The following H2AZ2 variants were observed in gnomAD, a reference collection of about 807,000 sequenced individuals.
H2AZ2 encodes the protein histone H2A.V.
H2AZ2 carries 5 observed loss-of-function variants against 15.5 expected under a neutral mutation model. The ratio of observed to expected loss-of-function variants is 0.32; its 90% CI spans 0.17 to 0.68. H2AZ2 has a LOEUF of 0.68. Among genes scored for constraint, H2AZ2 ranks in the 30% least tolerant of loss-of-function variants. H2AZ2 has a pLI of 0.72. For missense variants in H2AZ2, 42 were observed against 162.5 expected, an observed-to-expected ratio of 0.26 and a Z score of 4.03; for synonymous variants, 44 against 57.4, an observed-to-expected ratio of 0.77 and a Z score of 1.05.
rs1365819922 is a variant in H2AZ2 at position 44,833,894 on chromosome 7, G to T, written c.*607C>A. On this transcript the variant is annotated 3_prime_UTR_variant, in exon 5 of 5. Coordinates refer to ENST00000308153, the MANE Select transcript of H2AZ2 (RefSeq NM_012412.5). Reference sequence around the variant, plus strand: ...CACTCTGCAAAGGGCCTGGCACATGGTAAGTGCTTGGTGTAGAATTCAAAT... The same window carrying T: ...CACTCTGCAAAGGGCCTGGCACATGTTAAGTGCTTGGTGTAGAATTCAAAT... Among the ~76,000 whole-genome samples the T allele has an allele frequency of 9.9e-5, 15 of 152,188 alleles. No individual in the cohort carries two copies. Among genetic ancestry groups the T allele is most frequent in the Admixed American group, 9.8e-4 (15 of 15,274 alleles).
rs1206966916 is a variant in H2AZ2, at chr7:44,834,846, G to GT, written c.326-285dup. 4.5e-5 allele frequency: 11 copies of GT among 245,346 alleles called. No homozygotes were observed. In the Admixed American group the frequency reaches 5.7e-4, roughly 13 times the overall value. 15.2% of individuals were successfully genotyped at this position (245,346 alleles called of 1,614,324 possible). A position where few individuals can be genotyped will look rare whatever the true frequency, so the allele number is the denominator to read the frequency against. On this transcript the variant is annotated intron_variant, in intron 4 of 4. Coordinates refer to ENST00000308153, the MANE Select transcript of H2AZ2 (RefSeq NM_012412.5). ...GTCGCCAATGCTGGGGTGCAGTGGT[G>GT]TAATCTTGGCTCACTGCGACCTCTG...
chr7:44,828,241 T>C (rs1038937250), downstream of H2AZ2: 1 of 152,210 alleles, frequency 6.6e-6, no homozygotes, highest in African/African-American at 2.4e-5. Flanking sequence ...TTATTACTGA[T>C]TCTTAACGAC....
chr7:44,833,442 A>G lies in H2AZ2; in HGVS notation c.*1059T>C, dbSNP rs1283374291. 2.0e-5 allele frequency among the ~76,000 whole-genome samples: 3 copies of G among 152,076 alleles called. No individual in the cohort carries two copies. The highest frequency in any genetic ancestry group is 2.1e-4 in the South Asian group (1 of 4,824). ...AATAGAGACGGGGTTTCACCATGTT[A>G]GCCAGGATGGTCTCGATTTCCTGAC... On this transcript the variant is annotated 3_prime_UTR_variant, in exon 5 of 5. Coordinates refer to ENST00000308153, the MANE Select transcript of H2AZ2 (RefSeq NM_012412.5).
At chr7:44,840,348 A>C (rs1180140889) in intron 3 of H2AZ2, among the ~76,000 whole-genome samples, 2 of 152,162 alleles carry the variant, frequency 1.3e-5, no homozygotes, top group African/African-American at 4.8e-5. Context: ...CAGCCGCCCA[A>C]AGTGTTGGCA....
At chr7:44,841,227 ACT>A (rs1793268165) in intron 2 of H2AZ2, among the ~76,000 whole-genome samples, 3 of 152,234 alleles carry the variant, frequency 2.0e-5, no homozygotes, top group Admixed American at 1.3e-4. Flanking sequence ...GGGAAATATC[ACT>A]CTAAAATGAA....
intron 3 of H2AZ2, among the ~76,000 whole-genome samples, chr7:44,839,762 G>A (rs1483993255): frequency 1.3e-5 from 2 of 151,950 alleles, no homozygotes; most frequent in East Asian, 3.9e-4. Flanking sequence ...CAGCACTTTG[G>A]GAGGCTGAGG....
Position 44,833,534 on chromosome 7 carries a change from C to T in H2AZ2, c.*967G>A, listed in dbSNP as rs887829956. 1 of 250,430 alleles carries T rather than the reference C, an allele frequency of 4.0e-6. No homozygotes were observed. Among genetic ancestry groups the T allele is most frequent in the Non-Finnish European group, 6.3e-6 (1 of 158,116 alleles). The allele number at this position is 250,430 out of a possible 1,614,324, so 15.5% of individuals were successfully genotyped here. A position where few individuals can be genotyped will look rare whatever the true frequency, so the allele number is the denominator to read the frequency against. Reference sequence around the variant, plus strand: ...ACAGGCGTGAGCCACCGCGCCTGGCCGAGACGGCGTTTTACCATGTTGGCC... The same window carrying T: ...ACAGGCGTGAGCCACCGCGCCTGGCTGAGACGGCGTTTTACCATGTTGGCC... On this transcript the variant is annotated 3_prime_UTR_variant, in exon 5 of 5. Transcript: ENST00000308153.
At chr7:44,835,942 C>A (rs1439583802) in intron 3 of H2AZ2, among the ~76,000 whole-genome samples, 3 of 143,380 alleles carry the variant, frequency 2.1e-5, no homozygotes, top group Non-Finnish European at 4.5e-5. Flanking sequence ...CAGATGTGAA[C>A]ATTTAGAAAA....
chr7:44,841,032 G>A lies in H2AZ2; in HGVS notation c.82-20C>T. ...AGGAAACTAAAAGAGAGATGTCTTAGTGGGAAGCACTGCAGAGTCTTAACA... is the reference window on the plus strand; with the variant it reads ...AGGAAACTAAAAGAGAGATGTCTTAATGGGAAGCACTGCAGAGTCTTAACA... On this transcript the variant is annotated intron_variant, in intron 2 of 4. Coordinates refer to ENST00000308153, the MANE Select transcript of H2AZ2 (RefSeq NM_012412.5). 1 of 1,565,896 alleles carries A rather than the reference G, an allele frequency of 6.4e-7. No homozygotes were observed. Among genetic ancestry groups the A allele is most frequent in the Non-Finnish European group, 8.8e-7 (1 of 1,136,548 alleles).
At chr7:44,836,478 G>A (rs974284961) in intron 3 of H2AZ2, among the ~76,000 whole-genome samples, 1 of 151,972 alleles carries the variant, frequency 6.6e-6, no homozygotes, top group African/African-American at 2.4e-5. Flanking sequence ...TGGGATTACA[G>A]GTGTACTGGG....
intron 1 of H2AZ2, among the ~76,000 whole-genome samples, chr7:44,846,328 C>T (rs1439410541): frequency 6.6e-6 from 1 of 152,012 alleles, no homozygotes; most frequent in African/African-American, 2.4e-5. Flanking sequence ...ATCTGAAAAA[C>T]TAGAATTGGC....
intron 3 of H2AZ2, 90 bp from the exon 4 acceptor site, chr7:44,835,748 C>A: frequency 1.8e-6 from 2 of 1,118,910 alleles, no homozygotes; most frequent in Non-Finnish European, 2.5e-6. Flanking sequence ...AAAATGCACA[C>A]ACAATACATA....
rs890409711 is a variant in H2AZ2, at chr7:44,848,015, C to A, written c.-44G>T. 1.6e-6 allele frequency: 2 copies of A among 1,252,628 alleles called. No homozygotes were observed. Among genetic ancestry groups the A allele is most frequent in the Non-Finnish European group, 2.0e-6 (2 of 990,840 alleles). The allele number at this position is 1,252,628 out of a possible 1,614,324, so 77.6% of individuals were successfully genotyped here. A position where few individuals can be genotyped will look rare whatever the true frequency, so the allele number is the denominator to read the frequency against. On this transcript the variant is annotated 5_prime_UTR_variant, in exon 1 of 5. Coordinates refer to ENST00000308153, the MANE Select transcript of H2AZ2 (RefSeq NM_012412.5). Reference sequence around the variant, plus strand: ...GCCTCCGCTCGGCCGCGCGCCCTCCCGCTGCCGACCCGCGCCGCCGCCGCC... The same window carrying A: ...GCCTCCGCTCGGCCGCGCGCCCTCCAGCTGCCGACCCGCGCCGCCGCCGCC...
chr7:44,833,657 T>A lies in H2AZ2; in HGVS notation c.*844A>T, dbSNP rs1362899961. 2.0e-6 allele frequency: 2 copies of A among 984,624 alleles called. No individual in the cohort carries two copies. Among genetic ancestry groups the A allele is most frequent in the Admixed American group, 1.2e-4 (2 of 16,262 alleles). The allele number at this position is 984,624 out of a possible 1,614,324, so 61.0% of individuals were successfully genotyped here. On this transcript the variant is annotated 3_prime_UTR_variant, in exon 5 of 5. Coordinates refer to ENST00000308153, the MANE Select transcript of H2AZ2 (RefSeq NM_012412.5). The stretch of plus-strand genomic sequence containing the variant: ...TAAACCACAATGCCAGGCCAAAAAT[T>A]GGGATTTTAAACCAAAAGGAGAAAC...
intron 1 of H2AZ2, among the ~76,000 whole-genome samples, chr7:44,845,723 C>G (rs1196469250): frequency 2.0e-5 from 3 of 152,134 alleles, no homozygotes; most frequent in African/African-American, 7.2e-5. Context: ...AGTAGACATA[C>G]AGTCAGGTTT....
intron 3 of H2AZ2, among the ~76,000 whole-genome samples, chr7:44,836,757 G>A (rs1043155724): frequency 3.9e-5 from 6 of 152,090 alleles, no homozygotes; most frequent in African/African-American, 7.2e-5. Context: ...AGCAATTTGG[G>A]AGGCCGAGAG....
chr7:44,835,772 T>G (rs1175105104), intron 3 of H2AZ2, 114 bp from the exon 4 acceptor site: 6 of 893,218 alleles, frequency 6.7e-6, no homozygotes, highest in Non-Finnish European at 8.0e-6. Flanking sequence ...TGATAATATA[T>G]TTTTCTTTCT....
At chr7:44,831,504 AG>A (rs1258027655), downstream of H2AZ2, among the ~76,000 whole-genome samples, 1 of 152,074 alleles carries the variant, frequency 6.6e-6, no homozygotes, top group Non-Finnish European at 1.5e-5. Context: ...ATTCAGCCAA[AG>A]GAAAGTCTGT....
chr7:44,833,325 C>A lies in H2AZ2; in HGVS notation c.*1176G>T, dbSNP rs555409408. Among the ~76,000 whole-genome samples the A allele has an allele frequency of 6.6e-6, 1 of 152,110 alleles. No individual in the cohort carries two copies. Among genetic ancestry groups the A allele is most frequent in the Non-Finnish European group, 1.5e-5 (1 of 68,018 alleles). On this transcript the variant is annotated 3_prime_UTR_variant, in exon 5 of 5. Coordinates refer to ENST00000308153, the MANE Select transcript of H2AZ2 (RefSeq NM_012412.5). ...TTGGCTCACTGCAAGCTCCGCCTCC[C>A]GGGTTCACGTCATTCTCATGCCTCA...
Sources: allele counts gnomAD v4.1 joint callset (sites outside exome capture counted in the v4.1 genomes callset), GRCh38; gene constraint gnomAD v4.1.1; transcripts MANE v1.5; gene names NCBI Gene and HGNC (gene_info 2026-07-23, HGNC 2026-07-21).